TEX36: variants seen among roughly 807,000 people sequenced by gnomAD.
TEX36 encodes the protein testis-expressed protein 36.
A neutral mutation model predicts 13.6 loss-of-function variants in TEX36; 12 were observed. That is an observed-to-expected ratio of 0.88 (90% confidence interval 0.56 to 1.43). TEX36 has a LOEUF of 1.43. Ranked by LOEUF, TEX36 falls within the 40% of genes most tolerant of loss-of-function variation. The probability of loss-of-function intolerance (pLI) is 0.00; values close to 1 mark genes in which losing one functional copy is unlikely to be tolerated. For synonymous variants in TEX36, 93 were observed against 83.0 expected (o/e 1.12, Z -0.65); for missense variants, 224 against 228.3 (o/e 0.98, Z 0.12).
In TEX36 at chr10:125,613,647, A is replaced by G. The variant is rs1161193715; in HGVS notation, c.265-36773T>C. On this transcript the variant is annotated intron_variant, in intron 3 of 3. Transcript: ENST00000532135. ...ATGGCTGCATAGTATTCCATGGTGT[A>G]TATGTGCCACGTTTTCTTAATCCAG... Among the ~76,000 whole-genome samples the G allele has an allele frequency of 2.0e-5, 3 of 151,842 alleles. No homozygotes were observed. In the East Asian group the frequency reaches 5.8e-4, roughly 29 times the overall value.
chr10:125,596,245 T>C (rs1846080897), intron 3 of TEX36, among the ~76,000 whole-genome samples: 1 of 152,164 alleles, frequency 6.6e-6, no homozygotes, highest in African/African-American at 2.4e-5. Context: ...CTGGATGTTA[T>C]TCTGGATTAT....
chr10:125,664,824 T>C (rs1847098962), intron 1 of TEX36, among the ~76,000 whole-genome samples: 1 of 152,232 alleles, frequency 6.6e-6, no homozygotes, highest in African/African-American at 2.4e-5. Context: ...CTAATTTACA[T>C]TTCCACCAGC....
chr10:125,663,533 C>A (rs908058067), intron 1 of TEX36, among the ~76,000 whole-genome samples: 2 of 152,136 alleles, frequency 1.3e-5, no homozygotes, highest in Non-Finnish European at 2.9e-5. Context: ...TAAGAGTTCC[C>A]TTCTCTCCCC....
intron 3 of TEX36, among the ~76,000 whole-genome samples, chr10:125,594,690 T>C (rs531253177): frequency 8.5e-5 from 13 of 152,204 alleles, no homozygotes; most frequent in Non-Finnish European, 1.5e-4. Context: ...AAGTTCAAAA[T>C]ATCAAAATCT....
chr10:125,586,108 G>A (rs1191148150), intron 3 of TEX36, among the ~76,000 whole-genome samples: 1 of 152,166 alleles, frequency 6.6e-6, no homozygotes, highest in African/African-American at 2.4e-5. Flanking sequence ...GGCCGTCTGG[G>A]GCATCTGACA....
intron 3 of TEX36, among the ~76,000 whole-genome samples, chr10:125,648,833 C>G (rs369593765): frequency 1.2e-4 from 18 of 152,174 alleles, no homozygotes; most frequent in Middle Eastern, 3.4e-3. Context: ...GAGCTGAAAA[C>G]CATGGCACGG....
chr10:125,609,130 G>A (rs1488774467), intron 3 of TEX36, among the ~76,000 whole-genome samples: 1 of 148,748 alleles, frequency 6.7e-6, no homozygotes, highest in Non-Finnish European at 1.5e-5. Context: ...ACTCCAGCAT[G>A]GGCAACAGAG....
At chr10:125,643,190 G>A (rs1589769017) in intron 3 of TEX36, among the ~76,000 whole-genome samples, 1 of 152,228 alleles carries the variant, frequency 6.6e-6, no homozygotes, top group East Asian at 1.9e-4. Flanking sequence ...GCAGGGCAGT[G>A]TCCCAGAAAG....
chr10:125,664,606 G>A lies in TEX36; in HGVS notation c.52-2629C>T, dbSNP rs112725979. 3.8e-3 allele frequency among the ~76,000 whole-genome samples: 577 copies of A among 152,260 alleles called. 1 individual carries two copies. The highest frequency in any genetic ancestry group is 0.013 in the African/African-American group (551 of 41,532). Reference sequence around the variant, plus strand: ...TCATGAGATCTGATGGTTTAAAAGTGTGGCACATCCCCCTTTGCTCACTGT... The same window carrying A: ...TCATGAGATCTGATGGTTTAAAAGTATGGCACATCCCCCTTTGCTCACTGT... On this transcript the variant is annotated intron_variant, in intron 1 of 3. Transcript: ENST00000368821.
At chr10:125,597,151 C>T (rs1846089998) in intron 3 of TEX36, among the ~76,000 whole-genome samples, 1 of 152,208 alleles carries the variant, frequency 6.6e-6, no homozygotes, top group Non-Finnish European at 1.5e-5. Flanking sequence ...AGTGCTTACA[C>T]TACCCAATGT....
At chr10:125,653,287 C>A (rs1846890800), downstream of TEX36, among the ~76,000 whole-genome samples, 1 of 152,094 alleles carries the variant, frequency 6.6e-6, no homozygotes, top group African/African-American at 2.4e-5. Context: ...CACATATACA[C>A]CATGGAATAC....
intron 1 of TEX36, among the ~76,000 whole-genome samples, chr10:125,675,973 T>C (rs1847303975): frequency 6.6e-6 from 1 of 152,272 alleles, no homozygotes; most frequent in Non-Finnish European, 1.5e-5. Flanking sequence ...TACTGTGGTC[T>C]GAGAAGATAT....
At chr10:125,587,475 A>G (rs915065239) in intron 3 of TEX36, among the ~76,000 whole-genome samples, 90 of 152,228 alleles carry the variant, frequency 5.9e-4, no homozygotes, top group African/African-American at 2.1e-3. Flanking sequence ...AATCAATGCT[A>G]TCAGTTTCTT....
downstream of TEX36, among the ~76,000 whole-genome samples, chr10:125,618,845 G>A (rs535384819): frequency 1.5e-4 from 23 of 148,956 alleles, no homozygotes; most frequent in African/African-American, 4.5e-4. Flanking sequence ...GGTGGCTCAC[G>A]CCTGTAATCC....
intron 3 of TEX36, among the ~76,000 whole-genome samples, chr10:125,592,829 A>G (rs1454134094): frequency 6.6e-6 from 1 of 152,178 alleles, no homozygotes; most frequent in Non-Finnish European, 1.5e-5. Flanking sequence ...ACTTAGGCTC[A>G]CCCATTTCTT....
chr10:125,658,242 T>C (rs1846978313), intron 3 of TEX36, among the ~76,000 whole-genome samples: 1 of 151,810 alleles, frequency 6.6e-6, no homozygotes, highest in Non-Finnish European at 1.5e-5. Flanking sequence ...GAACAAACAT[T>C]AGCAAAAAGA....
chr10:125,597,687 C>T (rs11598514), intron 3 of TEX36, among the ~76,000 whole-genome samples: 43,233 of 152,092 alleles, frequency 0.28, 7,670 homozygotes, highest in East Asian at 0.47. Flanking sequence ...GAGCCTTCAC[C>T]TGTGGCCTGG....
At chr10:125,600,334 C>G (rs1448161329) in intron 3 of TEX36, among the ~76,000 whole-genome samples, 1 of 151,790 alleles carries the variant, frequency 6.6e-6, no homozygotes, top group Non-Finnish European at 1.5e-5. Flanking sequence ...GACTGGGGAG[C>G]TAGGGAGGGA....
At chr10:125,576,937 G>GCAATC (rs1425898674) in intron 3 of TEX36, 1 of 1,530,802 alleles carries the variant, frequency 6.5e-7, no homozygotes, top group African/African-American at 1.4e-5. Flanking sequence ...TTGTAGTTCA[G>GCAATC]CAATCAGAGA....
Sources: gnomAD v4.1 joint callset for allele counts (sites outside exome capture counted in the v4.1 genomes callset) on GRCh38, gnomAD v4.1.1 for gene constraint, MANE v1.5 for transcripts, NCBI Gene and HGNC (gene_info 2026-07-23, HGNC 2026-07-21) for gene names.